Variants in HPSE2 observed in about 807,000 individuals in gnomAD.
HPSE2 encodes heparanase 2 (inactive).
A neutral mutation model predicts 60.5 loss-of-function variants in HPSE2; 38 were observed. The observed-to-expected ratio is 0.63, with a 90% CI of 0.48 to 0.82. The LOEUF (loss-of-function observed/expected upper bound fraction) is 0.82. HPSE2 is among the 40% of genes least tolerant of loss of function. HPSE2 has a pLI of 0.00. For synonymous variants in HPSE2, 295 were observed against 293.2 expected (o/e 1.01, Z -0.06); for missense variants, 713 against 740.4 (o/e 0.96, Z 0.43).
chr10:98,890,901 A>G (rs1440542299), intron 3 of HPSE2, among the ~76,000 whole-genome samples: 1 of 152,238 alleles, frequency 6.6e-6, no homozygotes. Flanking sequence ...CCAAATATCA[A>G]TTGAACTCTT....
At chr10:99,268,362 G>A in the HPSE2 span, among the ~76,000 whole-genome samples, 2,210 of 152,140 alleles carry the variant, frequency 0.015, 24 homozygotes, top group African/African-American at 0.032. Context: ...CATAAATCTC[G>A]GCCAGGTGCA....
chr10:98,880,129 T>C (rs1202768323), intron 3 of HPSE2, among the ~76,000 whole-genome samples: 1 of 152,026 alleles, frequency 6.6e-6, no homozygotes, highest in Non-Finnish European at 1.5e-5. Flanking sequence ...ATTATGAATG[T>C]GATTTTAATT....
intron 3 of HPSE2, among the ~76,000 whole-genome samples, chr10:99,071,577 G>A (rs2135548865): frequency 6.6e-6 from 1 of 152,312 alleles, no homozygotes; most frequent in East Asian, 1.9e-4. Flanking sequence ...TATAAGTAAT[G>A]TTTTTAAGCA....
intron 2 of HPSE2, among the ~76,000 whole-genome samples, chr10:99,161,681 G>A (rs1282758512): frequency 6.6e-6 from 1 of 152,064 alleles, no homozygotes; most frequent in African/African-American, 2.4e-5. Context: ...ATGAAAATAT[G>A]TAAATTATAG....
chr10:99,176,239 C>T (rs527469931), intron 2 of HPSE2, among the ~76,000 whole-genome samples: 1 of 152,232 alleles, frequency 6.6e-6, no homozygotes, highest in East Asian at 1.9e-4. Context: ...AACTCCTCTC[C>T]AGCAAGGAAA....
At chr10:98,640,847 T>C (rs79646617) in intron 7 of HPSE2, among the ~76,000 whole-genome samples, 4,090 of 152,216 alleles carry the variant, frequency 0.027, 208 homozygotes, top group African/African-American at 0.093. Flanking sequence ...TGATCCATAA[T>C]TGGCATTATG....
upstream of HPSE2, among the ~76,000 whole-genome samples, chr10:99,236,901 G>A (rs535074771): frequency 1.3e-4 from 20 of 152,112 alleles, no homozygotes; most frequent in Non-Finnish European, 2.9e-4. Context: ...GACCCTCCTG[G>A]AGGTCAATCC....
chr10:98,808,999 T>G (rs1951105173), intron 3 of HPSE2, among the ~76,000 whole-genome samples: 1 of 152,280 alleles, frequency 6.6e-6, no homozygotes, highest in South Asian at 2.1e-4. Flanking sequence ...TTTAACTTTC[T>G]GCTTAGCTTT....
At chr10:98,600,927 A>ATATATATATATATAT (rs1945404051) in intron 9 of HPSE2, among the ~76,000 whole-genome samples, 2 of 25,772 alleles carry the variant, frequency 7.8e-5, no homozygotes, top group Non-Finnish European at 2.3e-4. Context: ...ATATATATAT[A>ATATATATATATATAT]TATATATATA....
intron 3 of HPSE2, among the ~76,000 whole-genome samples, chr10:98,984,247 G>C (rs964689947): frequency 1.4e-4 from 21 of 152,174 alleles, no homozygotes; most frequent in Non-Finnish European, 2.1e-4. Flanking sequence ...CCCCCCAGTA[G>C]GGGCAGACTG....
intron 2 of HPSE2, among the ~76,000 whole-genome samples, chr10:99,217,359 T>C (rs999701178): frequency 6.6e-6 from 1 of 151,958 alleles, no homozygotes; most frequent in Admixed American, 6.6e-5. Flanking sequence ...TAGGCATTTT[T>C]CCGTAAGAGC....
chr10:99,307,234 T>C, the HPSE2 span, among the ~76,000 whole-genome samples: 1 of 152,194 alleles, frequency 6.6e-6, no homozygotes, highest in Non-Finnish European at 1.5e-5. Context: ...AACAGGAGTA[T>C]TGGAGTGGAT....
intron 3 of HPSE2, among the ~76,000 whole-genome samples, chr10:98,747,369 C>G (rs1949654826): frequency 6.6e-6 from 1 of 152,056 alleles, no homozygotes; most frequent in African/African-American, 2.4e-5. Flanking sequence ...TCATCTTTTT[C>G]TAAAACTATT....
intron 3 of HPSE2, among the ~76,000 whole-genome samples, chr10:98,948,327 G>A (rs941781437): frequency 1.3e-5 from 2 of 152,144 alleles, no homozygotes; most frequent in African/African-American, 4.8e-5. Context: ...AGGGTTTCAA[G>A]GTATGGATCT....
At chr10:98,709,267 C>G (rs1331144789) in intron 5 of HPSE2, among the ~76,000 whole-genome samples, 1 of 152,134 alleles carries the variant, frequency 6.6e-6, no homozygotes, top group Non-Finnish European at 1.5e-5. Flanking sequence ...GAGTGAAATT[C>G]CACTGGGAGA....
chr10:98,563,510 T>C (rs113491875), intron 9 of HPSE2, among the ~76,000 whole-genome samples: 4 of 152,218 alleles, frequency 2.6e-5, no homozygotes, highest in Admixed American at 1.3e-4. Flanking sequence ...TCTGTAACTA[T>C]GCTAAACACC....
chr10:98,695,051 G>A (rs1415930618), intron 5 of HPSE2, among the ~76,000 whole-genome samples: 3 of 152,212 alleles, frequency 2.0e-5, no homozygotes, highest in Non-Finnish European at 4.4e-5. Context: ...CTCATGCTGT[G>A]TGGGTTGCTG....
the HPSE2 span, among the ~76,000 whole-genome samples, chr10:99,287,756 G>T: frequency 5.9e-5 from 9 of 152,164 alleles, no homozygotes; most frequent in Admixed American, 1.3e-4. Context: ...TCTCAATGTA[G>T]AGATGTATAT....
At chr10:98,676,917 CTCTT>C (rs755739579) in intron 6 of HPSE2, among the ~76,000 whole-genome samples, 7 of 134,156 alleles carry the variant, frequency 5.2e-5, no homozygotes, top group Non-Finnish European at 8.2e-5. Context: ...TCCATTTTCT[CTCTT>C]TTTTTTTTTC....
Sources: gnomAD v4.1 joint callset for allele counts (sites outside exome capture counted in the v4.1 genomes callset) on GRCh38, gnomAD v4.1.1 for gene constraint, MANE v1.5 for transcripts, NCBI Gene and HGNC (gene_info 2026-07-23, HGNC 2026-07-21) for gene names.